The following CACNA2D1 variants were observed in gnomAD, a reference collection of about 807,000 sequenced individuals.
CACNA2D1 encodes the protein voltage-dependent calcium channel subunit alpha-2/delta-1.
In CACNA2D1, 53 loss-of-function variants were observed where a neutral mutation model predicts 171.5. The ratio of observed to expected loss-of-function variants is 0.31; its 90% CI spans 0.25 to 0.39. CACNA2D1 has a LOEUF of 0.39. Among genes scored for constraint, CACNA2D1 ranks in the 10% least tolerant of loss-of-function variants. The pLI is 1.00. For missense variants in CACNA2D1, 903 were observed against 1,299.8 expected, an observed-to-expected ratio of 0.69 and a Z score of 4.69; for synonymous variants, 442 against 443.1, an observed-to-expected ratio of 1.00 and a Z score of 0.03.
chr7:82,045,472 T>C (rs1804448568), intron 10 of CACNA2D1, among the ~76,000 whole-genome samples: 1 of 152,124 alleles, frequency 6.6e-6, no homozygotes, highest in Non-Finnish European at 1.5e-5. Flanking sequence ...CTTACTGATG[T>C]TTCATGGGTT....
chr7:82,012,885 ATTAT>A (rs1444308403), intron 14 of CACNA2D1, among the ~76,000 whole-genome samples: 1 of 152,134 alleles, frequency 6.6e-6, no homozygotes, highest in Non-Finnish European at 1.5e-5. Flanking sequence ...GTAATTTATG[ATTAT>A]TTAAAAAGAA....
chr7:82,190,473 T>C (rs1043426160), intron 3 of CACNA2D1, among the ~76,000 whole-genome samples: 5 of 151,818 alleles, frequency 3.3e-5, no homozygotes, highest in Non-Finnish European at 7.4e-5. Flanking sequence ...TTCAGCTTCA[T>C]TAACTTTCCT....
intron 1 of CACNA2D1, among the ~76,000 whole-genome samples, chr7:82,416,629 G>C (rs919475119): frequency 2.0e-5 from 3 of 152,156 alleles, no homozygotes; most frequent in Non-Finnish European, 4.4e-5. Context: ...CAATGATCCT[G>C]TGTACATGTC....
At chr7:82,359,260 C>T (rs568105523) in intron 1 of CACNA2D1, among the ~76,000 whole-genome samples, 1 of 152,106 alleles carries the variant, frequency 6.6e-6, no homozygotes, top group South Asian at 2.1e-4. Flanking sequence ...TCAGTCATTG[C>T]AAATTGTTCG....
At chr7:82,261,275 C>T (rs1474186005) in intron 3 of CACNA2D1, among the ~76,000 whole-genome samples, 1 of 152,080 alleles carries the variant, frequency 6.6e-6, no homozygotes, top group Non-Finnish European at 1.5e-5. Context: ...TTTATAGTGT[C>T]TCCCAGAACC....
At chr7:82,050,457 T>G (rs182539350) in intron 10 of CACNA2D1, 1 of 634,122 alleles carries the variant, frequency 1.6e-6, no homozygotes, top group African/African-American at 1.8e-5. Context: ...AGGGGTCACC[T>G]GCATAGGTAG....
At chr7:81,964,153 C>T (rs768238513) in intron 33 of CACNA2D1, 45 bp from the exon 34 acceptor site, 12 of 1,610,508 alleles carry the variant, frequency 7.5e-6, no homozygotes, top group East Asian at 2.2e-5. Context: ...CTACTTGATA[C>T]TGAGGACACT....
chr7:82,152,264 C>A, intron 4 of CACNA2D1, among the ~76,000 whole-genome samples: 1 of 108,878 alleles, frequency 9.2e-6, no homozygotes, highest in South Asian at 3.4e-4. Flanking sequence ...GAGACTGCCC[C>A]CCCACCCCCC....
chr7:82,215,596 G>C (rs1801018227), intron 3 of CACNA2D1, among the ~76,000 whole-genome samples: 1 of 151,976 alleles, frequency 6.6e-6, no homozygotes, highest in South Asian at 2.1e-4. Flanking sequence ...GGTCATGTAT[G>C]AGTTCTTTTA....
Position 81,984,629 on chromosome 7 carries a change from A to G in CACNA2D1, c.1873+6T>C. On this transcript the variant is annotated splice_donor_region_variant and intron_variant, in intron 22 of 38. Coordinates refer to ENST00000356860, the MANE Select transcript of CACNA2D1 (RefSeq NM_000722.4). The stretch of plus-strand genomic sequence containing the variant: ...TGGACCCTGAAGTCACTTTCACAGT[A>G]CTTACATCTGGCCTGAGTTATTGTC... 1 of 1,506,834 alleles carries G rather than the reference A, an allele frequency of 6.6e-7. No homozygotes were observed. Among genetic ancestry groups the G allele is most frequent in the Non-Finnish European group, 9.1e-7 (1 of 1,093,646 alleles). 93.3% of individuals were successfully genotyped at this position (1,506,834 alleles called of 1,614,324 possible).
intron 3 of CACNA2D1, among the ~76,000 whole-genome samples, chr7:82,243,165 T>C (rs1252943758): frequency 1.3e-5 from 2 of 152,182 alleles, no homozygotes; most frequent in Admixed American, 1.3e-4. Context: ...ACCAAGCCTT[T>C]AAAGATGGTG....
intron 6 of CACNA2D1, among the ~76,000 whole-genome samples, chr7:82,100,970 A>G (rs1225360834): frequency 6.6e-6 from 1 of 152,146 alleles, no homozygotes; most frequent in Non-Finnish European, 1.5e-5. Flanking sequence ...TAATGGAATT[A>G]GAATATTTGG....
At chr7:82,279,352 A>G (rs1157040322) in intron 3 of CACNA2D1, among the ~76,000 whole-genome samples, 1 of 152,170 alleles carries the variant, frequency 6.6e-6, no homozygotes, top group African/African-American at 2.4e-5. Flanking sequence ...AGTTATTACA[A>G]GTGGTATAGC....
intron 5 of CACNA2D1, among the ~76,000 whole-genome samples, chr7:82,133,989 C>T (rs931854166): frequency 5.9e-5 from 9 of 151,790 alleles, no homozygotes; most frequent in South Asian, 2.1e-4. Flanking sequence ...AGGAGAATGG[C>T]GTGAACCCAG....
intron 19 of CACNA2D1, among the ~76,000 whole-genome samples, chr7:81,996,446 A>G (rs376832560): frequency 6.6e-6 from 1 of 152,018 alleles, no homozygotes; most frequent in East Asian, 1.9e-4. Flanking sequence ...GAGTTAATCC[A>G]TCTGGAAAAA....
intron 36 of CACNA2D1, 64 bp downstream of exon 36, chr7:81,961,805 TTATAACAGTATATACAATTTCTTAA>T: frequency 8.4e-6 from 1 of 119,564 alleles, no homozygotes; most frequent in Non-Finnish European, 1.2e-5. Flanking sequence ...TCTGTAATGA[TTATAACAGTATATACAATTTCTTAA>T]TGATTATAAC....
At position 82,198,412 on chromosome 7, in the gene CACNA2D1, G is replaced by A. The variant is rs79641690; in HGVS notation, c.295-27803C>T. Reference sequence around the variant, plus strand: ...CTGCAAAATGGACTCATGGAGCCTTGTGAGCTACAGGGCTCGAAGGCAGTG... The same window carrying A: ...CTGCAAAATGGACTCATGGAGCCTTATGAGCTACAGGGCTCGAAGGCAGTG... On this transcript the variant is annotated intron_variant, in intron 3 of 38. Coordinates refer to ENST00000356860, the MANE Select transcript of CACNA2D1 (RefSeq NM_000722.4). Among the ~76,000 whole-genome samples the A allele has an allele frequency of 6.3e-3, 958 of 152,152 alleles. 14 individuals are homozygous for A. The highest frequency in any genetic ancestry group is 0.022 in the African/African-American group (915 of 41,524).
chr7:82,267,169 A>T (rs1053427360), intron 3 of CACNA2D1, among the ~76,000 whole-genome samples: 6 of 152,254 alleles, frequency 3.9e-5, no homozygotes, highest in Admixed American at 1.3e-4. Flanking sequence ...ATGACTCTTT[A>T]TAAAAATAGC....
chr7:82,244,351 A>C (rs1804663536), intron 3 of CACNA2D1, among the ~76,000 whole-genome samples: 1 of 152,142 alleles, frequency 6.6e-6, no homozygotes. Context: ...TAATCCCATA[A>C]GACAAAACGA....
Sources: allele counts gnomAD v4.1 joint callset (sites outside exome capture counted in the v4.1 genomes callset), GRCh38; gene constraint gnomAD v4.1.1; transcripts MANE v1.5; gene names NCBI Gene and HGNC (gene_info 2026-07-23, HGNC 2026-07-21).